Variants in DLG3 observed in about 807,000 individuals in gnomAD.
DLG3 encodes discs large MAGUK scaffold protein 3.
In DLG3, 1 loss-of-function variant was observed where a neutral mutation model predicts 64.1. That is an observed-to-expected ratio of 0.02 (90% CI 0.01 to 0.07). DLG3 has a LOEUF of 0.07. DLG3 is among the 10% of genes least tolerant of loss of function. The pLI is 1.00. For missense variants in DLG3, 429 were observed against 669.5 expected, an observed-to-expected ratio of 0.64 and a Z score of 3.96; for synonymous variants, 245 against 259.8, an observed-to-expected ratio of 0.94 and a Z score of 0.55.
At chrX:70,470,588 C>T (rs1449151045) in intron 9 of DLG3, among the ~76,000 whole-genome samples, 2 of 111,438 alleles carry the variant, frequency 1.8e-5, no homozygotes, top group Non-Finnish European at 3.8e-5. Context: ...TTTATATCTT[C>T]ATTCGAGTCA....
chrX:70,456,195 AT>A (rs2086704708), intron 9 of DLG3: 1 of 112,469 alleles, frequency 8.9e-6, no homozygotes, highest in Admixed American at 9.4e-5. Flanking sequence ...CCTTAGGGAT[AT>A]TGTTTTTTTA....
chrX:70,497,131 C>T, intron 13 of DLG3: 2 of 1,163,350 alleles, frequency 1.7e-6, no homozygotes, highest in Non-Finnish European at 2.3e-6. Context: ...TGCATGTGAC[C>T]TCTCAGTGGT....
intron 15 of DLG3, 60 bp from the exon 16 acceptor site, chrX:70,499,817 T>A (rs759753206): frequency 1.8e-6 from 2 of 1,138,477 alleles, no homozygotes; most frequent in African/African-American, 1.8e-5. Context: ...CAGTCAGTAT[T>A]TTTTGGTTTG....
chrX:70,495,999 G>C (rs1470110498), intron 13 of DLG3, among the ~76,000 whole-genome samples: 3 of 111,874 alleles, frequency 2.7e-5, no homozygotes, highest in Non-Finnish European at 3.8e-5. Flanking sequence ...GTAAGGGGTT[G>C]AGCTGGTCTG....
At chrX:70,461,951 T>C (rs2086808634) in intron 9 of DLG3, among the ~76,000 whole-genome samples, 1 of 110,802 alleles carries the variant, frequency 9.0e-6, no homozygotes, top group African/African-American at 3.3e-5. Flanking sequence ...ATTTTTAGAA[T>C]TTTTAGAGTT....
At position 70,499,898 on chromosome X, in the gene DLG3, A is replaced by C; in HGVS notation, c.1994A>C (p.Asp665Ala). Residue 665 changes from aspartate to alanine, a missense_variant, in exon 16 of 19, where the codon GAT becomes GCT. By Grantham distance (126) the Asp-to-Ala change is moderately radical. This residue lies in a region of DLG3 where 46 missense variants were observed against 64.4 expected (regional missense o/e 0.71). Coordinates refer to ENST00000374360, the MANE Select transcript of DLG3 (RefSeq NM_021120.4). Reference sequence around the variant, plus strand: ...TCAGATACTACCCGGCCTCGACGTGATAATGAGGTGGATGGACAAGACTAC... The same window carrying C: ...TCAGATACTACCCGGCCTCGACGTGCTAATGAGGTGGATGGACAAGACTAC... ...CVPHTTRPRR[D>A]NEVDGQDYHF... The C allele has an allele frequency of 8.3e-7, 1 of 1,209,810 alleles. No individual in the cohort carries two copies.
chrX:70,452,088 G>C, intron 7 of DLG3, 62 bp downstream of exon 7: 4 of 1,175,080 alleles, frequency 3.4e-6, no homozygotes, highest in Non-Finnish European at 4.6e-6. Flanking sequence ...GGAGGAATCC[G>C]TTTCTGGCCG....
At chrX:70,478,603 CTG>C (rs2087098800) in intron 9 of DLG3, among the ~76,000 whole-genome samples, 1 of 111,779 alleles carries the variant, frequency 8.9e-6, no homozygotes, top group South Asian at 3.8e-4. Context: ...GTTTTTACCT[CTG>C]TACTGGGTTC....
Position 70,502,995 on chromosome X carries a change from C to CT in DLG3, c.*727dup, listed in dbSNP as rs983737940. On this transcript the variant is annotated 3_prime_UTR_variant, in exon 19 of 19. Transcript: ENST00000374360. ...ATTGAAGATGGTAGCAAGTGCTGCA[C>CT]TAAGGGCACTCGCATTTGGTCATTC... 1.8e-5 allele frequency: 2 copies of CT among 110,723 alleles called. No homozygotes were observed. The highest frequency in any genetic ancestry group is 6.6e-5 in the African/African-American group (2 of 30,308). The allele number at this position is 110,723 out of a possible 1,213,427, so 9.1% of individuals were successfully genotyped here. A position where few individuals can be genotyped will look rare whatever the true frequency, so the allele number is the denominator to read the frequency against.
At chrX:70,487,573 C>T (rs1472527281) in intron 10 of DLG3, among the ~76,000 whole-genome samples, 1 of 112,190 alleles carries the variant, frequency 8.9e-6, no homozygotes, top group Admixed American at 9.5e-5. Flanking sequence ...CACCCTCTGT[C>T]ACCTAGTAAG....
chrX:70,473,310 C>G (rs1419561683), intron 9 of DLG3, among the ~76,000 whole-genome samples: 1 of 110,601 alleles, frequency 9.0e-6, no homozygotes, highest in African/African-American at 3.3e-5. Context: ...TAATGCTGTT[C>G]CTTCTGTCTG....
intron 18 of DLG3, 34 bp from the exon 19 acceptor site, chrX:70,502,129 C>A: frequency 9.4e-7 from 1 of 1,067,004 alleles, no homozygotes; most frequent in Non-Finnish European, 1.3e-6. Flanking sequence ...TGCTATGGAC[C>A]ACAGTAATAA....
intron 9 of DLG3, among the ~76,000 whole-genome samples, chrX:70,470,293 A>T (rs1237124656): frequency 9.2e-6 from 1 of 108,780 alleles, no homozygotes; most frequent in Non-Finnish European, 1.9e-5. Context: ...CAGTGGTGTG[A>T]TCTCAGCTCA....
intron 13 of DLG3, among the ~76,000 whole-genome samples, chrX:70,496,424 G>A (rs1337093546): frequency 8.9e-6 from 1 of 112,456 alleles, no homozygotes; most frequent in African/African-American, 3.2e-5. Flanking sequence ...TGGATGGGCG[G>A]GCTTTGTTTG....
Position 70,503,000 on chromosome X carries a change from G to T in DLG3, c.*731G>T, listed in dbSNP as rs1256946216. 1 of 110,702 alleles carries T rather than the reference G, an allele frequency of 9.0e-6. No homozygotes were observed. Among genetic ancestry groups the T allele is most frequent in the Non-Finnish European group, 1.9e-5 (1 of 52,897 alleles). The allele number at this position is 110,702 out of a possible 1,213,427, so 9.1% of individuals were successfully genotyped here. A position where few individuals can be genotyped will look rare whatever the true frequency, so the allele number is the denominator to read the frequency against. On this transcript the variant is annotated 3_prime_UTR_variant, in exon 19 of 19. Coordinates refer to ENST00000374360, the MANE Select transcript of DLG3 (RefSeq NM_021120.4). The stretch of plus-strand genomic sequence containing the variant: ...AGATGGTAGCAAGTGCTGCACTAAG[G>T]GCACTCGCATTTGGTCATTCTCTTG...
In DLG3 at chrX:70,502,902, T is replaced by C. The variant is rs2087591545; in HGVS notation, c.*633T>C. 9.1e-6 allele frequency: 1 copy of C among 110,437 alleles called. No homozygotes were observed. The highest frequency in any genetic ancestry group is 2.8e-4 in the East Asian group (1 of 3,574). 9.1% of individuals were successfully genotyped at this position (110,437 alleles called of 1,213,427 possible). A position where few individuals can be genotyped will look rare whatever the true frequency, so the allele number is the denominator to read the frequency against. ...AGACTTCATCAATGGTACTATGTTA[T>C]TAGAGAAATGCTTTAATTTTCATAT... On this transcript the variant is annotated 3_prime_UTR_variant, in exon 19 of 19. Transcript: ENST00000374360.
chrX:70,445,165 C>A lies in DLG3; in HGVS notation c.-37C>A. Reference sequence around the variant, plus strand: ...GCGGTGGCGGCGGCGTGGAATCCGGCGTGGGCTGGGGGGTCCGAGCCGCGG... The same window carrying A: ...GCGGTGGCGGCGGCGTGGAATCCGGAGTGGGCTGGGGGGTCCGAGCCGCGG... On this transcript the variant is annotated 5_prime_UTR_variant, in exon 1 of 19. Coordinates refer to ENST00000374360, the MANE Select transcript of DLG3 (RefSeq NM_021120.4). The A allele has an allele frequency of 9.3e-7, 1 of 1,078,348 alleles. No homozygotes were observed. Among genetic ancestry groups the A allele is most frequent in the Non-Finnish European group, 1.2e-6 (1 of 809,044 alleles). The allele number at this position is 1,078,348 out of a possible 1,213,427, so 88.9% of individuals were successfully genotyped here.
chrX:70,469,831 C>T (rs1294002223), intron 9 of DLG3, among the ~76,000 whole-genome samples: 1 of 111,992 alleles, frequency 8.9e-6, no homozygotes, highest in Non-Finnish European at 1.9e-5. Flanking sequence ...ACAATTCATA[C>T]TCCTCAAATT....
intron 15 of DLG3, 112 bp from the exon 16 acceptor site, chrX:70,499,765 A>G: frequency 1.3e-6 from 1 of 791,446 alleles, no homozygotes; most frequent in Non-Finnish European, 1.9e-6. Context: ...ACTTGAAAAA[A>G]AAAATGGAGT....
Sources: allele counts gnomAD v4.1 joint callset (sites outside exome capture counted in the v4.1 genomes callset), GRCh38; gene constraint gnomAD v4.1.1; regional missense constraint gnomAD v4.1.1; transcripts MANE v1.5; gene names NCBI Gene and HGNC (gene_info 2026-07-23, HGNC 2026-07-21).